The following USH2A variants were observed in gnomAD, a reference collection of about 807,000 sequenced individuals.
USH2A encodes usherin, also known as Usher syndrome 2A (autosomal recessive, mild).
Under a neutral mutation model 538.9 loss-of-function variants are expected in USH2A, and 443 were observed. That is an observed-to-expected ratio of 0.82 (90% CI 0.76 to 0.89). The LOEUF is 0.89. USH2A is among the 40% of genes least tolerant of loss of function. USH2A has a pLI of 0.00. For synonymous variants in USH2A, 2,413 were observed against 2,273.5 expected (o/e 1.06, Z -1.75); for missense variants, 6,633 against 6,324.8 (o/e 1.05, Z -1.65).
intron 16 of USH2A, among the ~76,000 whole-genome samples, chr1:216,206,040 T>C (rs2035104388): frequency 6.6e-6 from 1 of 152,220 alleles, no homozygotes; most frequent in Non-Finnish European, 1.5e-5. Context: ...GTGTTCTATC[T>C]CTGCGGAAAC....
chr1:215,956,388 A>G (rs898137344), intron 37 of USH2A, among the ~76,000 whole-genome samples: 2 of 152,212 alleles, frequency 1.3e-5, no homozygotes, highest in Non-Finnish European at 2.9e-5. Context: ...TAAATGCTTT[A>G]AAAATTTCTC....
chr1:216,058,862 G>C (rs1040637292), intron 30 of USH2A, among the ~76,000 whole-genome samples: 1 of 152,130 alleles, frequency 6.6e-6, no homozygotes, highest in East Asian at 1.9e-4. Context: ...ATTCTTTTAA[G>C]ATAAGTATAT....
rs113224849 is a variant in USH2A at position 216,072,687 on chromosome 1, T to C, written c.5857+202A>G. Reference sequence around the variant, plus strand: ...GGAAAGGATCAAGTCTGAGCAAGTATTTAGTGAATTCTTGGTAAATGAAAA... The same window carrying C: ...GGAAAGGATCAAGTCTGAGCAAGTACTTAGTGAATTCTTGGTAAATGAAAA... On this transcript the variant is annotated intron_variant, in intron 29 of 71. Coordinates refer to ENST00000307340, the MANE Select transcript of USH2A (RefSeq NM_206933.4). 19 of 615,754 alleles carry C rather than the reference T, an allele frequency of 3.1e-5. 1 individual carries two copies. Among genetic ancestry groups the C allele is most frequent in the African/African-American group, 1.5e-4 (8 of 54,540 alleles). 38.1% of individuals were successfully genotyped at this position (615,754 alleles called of 1,614,324 possible).
intron 47 of USH2A, among the ~76,000 whole-genome samples, chr1:215,834,026 T>C (rs1663404721): frequency 6.6e-6 from 1 of 152,074 alleles, no homozygotes. Flanking sequence ...TCTATTAAAA[T>C]GACTATTTAA....
intron 9 of USH2A, 66 bp from the exon 10 acceptor site, chr1:216,292,436 T>C (rs2037020990): frequency 2.6e-6 from 4 of 1,527,370 alleles, no homozygotes; most frequent in Non-Finnish European, 2.7e-6. Flanking sequence ...TTTATTGATA[T>C]GTTAGGCCTT....
At chr1:215,989,642 C>T (rs377616686) in intron 35 of USH2A, among the ~76,000 whole-genome samples, 18 of 151,980 alleles carry the variant, frequency 1.2e-4, no homozygotes, top group African/African-American at 3.6e-4. Context: ...GAAGTGCAGT[C>T]GAGGGGTTGT....
chr1:215,758,754 T>C lies in USH2A; in HGVS notation c.11232-2A>G. The C allele has an allele frequency of 1.9e-6, 3 of 1,613,686 alleles. No homozygotes were observed. Among genetic ancestry groups the C allele is most frequent in the Non-Finnish European group, 1.7e-6 (2 of 1,179,846 alleles). ...TTGACTTCTAACTTGTAAGTGTATC[T>C]ATATTTAAAAAGAAAGAAGAATTGT... On this transcript the variant is annotated splice_acceptor_variant, in intron 57 of 71. Transcript: ENST00000307340. LOFTEE classifies it high-confidence loss of function.
rs370554173 is a variant in USH2A at position 215,655,724 on chromosome 1, T to C, written c.14134-4923A>G. Among the ~76,000 whole-genome samples, 575 of 139,256 alleles carry C rather than the reference T, an allele frequency of 4.1e-3. 2 individuals carry two copies. Among genetic ancestry groups the C allele is most frequent in the African/African-American group, 0.014 (530 of 38,522 alleles). 91.4% of individuals were successfully genotyped at this position (139,256 alleles called of 152,430 possible). ...ATGCTTCTGTTACTGTGCTAGTTAT[T>C]CTTTTTTTTTTTTTTTTTTTTTTTT... On this transcript the variant is annotated intron_variant, in intron 64 of 71. Transcript: ENST00000307340.
chr1:216,250,694 A>G (rs2036140990), intron 12 of USH2A, among the ~76,000 whole-genome samples: 2 of 152,212 alleles, frequency 1.3e-5, no homozygotes, highest in African/African-American at 4.8e-5. Flanking sequence ...AGAAACTTCT[A>G]AAGGGTTGAT....
chr1:216,279,367 G>A (rs1480796425), intron 11 of USH2A, among the ~76,000 whole-genome samples: 2 of 152,106 alleles, frequency 1.3e-5, no homozygotes, highest in Non-Finnish European at 2.9e-5. Context: ...GGGATTCAGA[G>A]GATGGAGCAA....
chr1:215,959,207 C>T (rs565880154), intron 37 of USH2A, among the ~76,000 whole-genome samples: 3 of 151,488 alleles, frequency 2.0e-5, no homozygotes, highest in South Asian at 4.2e-4. Flanking sequence ...GAAGACAAAC[C>T]ATTCATAATA....
At chr1:215,896,153 G>A (rs188668943) in intron 40 of USH2A, among the ~76,000 whole-genome samples, 157 of 152,244 alleles carry the variant, frequency 1.0e-3, no homozygotes, top group Non-Finnish European at 1.7e-3. Flanking sequence ...TAAACTGTTC[G>A]AATTCTACAG....
intron 11 of USH2A, among the ~76,000 whole-genome samples, chr1:216,272,978 G>C (rs1322736068): frequency 1.3e-5 from 2 of 152,098 alleles, no homozygotes; most frequent in African/African-American, 4.8e-5. Context: ...CTAAATCCCA[G>C]GATAAAAGCT....
chr1:215,647,116 T>C (rs1387276023), intron 67 of USH2A, among the ~76,000 whole-genome samples: 1 of 152,228 alleles, frequency 6.6e-6, no homozygotes, highest in Non-Finnish European at 1.5e-5. Flanking sequence ...TTCACTCACT[T>C]GCCCTTTTGC....
chr1:215,953,117 A>C (rs1482897177), intron 37 of USH2A, among the ~76,000 whole-genome samples: 1 of 152,108 alleles, frequency 6.6e-6, no homozygotes, highest in Non-Finnish European at 1.5e-5. Flanking sequence ...AAGAATCAAT[A>C]TTGTGAAAAT....
chr1:215,791,594 C>T (rs1241118375), intron 50 of USH2A, among the ~76,000 whole-genome samples: 2 of 152,184 alleles, frequency 1.3e-5, no homozygotes, highest in African/African-American at 4.8e-5. Flanking sequence ...CTGATTCTAA[C>T]AGAGCTTTGG....
chr1:215,721,850 G>A (rs929637841), intron 61 of USH2A, among the ~76,000 whole-genome samples: 3 of 152,096 alleles, frequency 2.0e-5, no homozygotes, highest in South Asian at 2.1e-4. Flanking sequence ...GATCTCTTGA[G>A]GCCGGGAATT....
intron 13 of USH2A, among the ~76,000 whole-genome samples, chr1:216,239,033 T>C (rs1263021470): frequency 1.3e-5 from 2 of 151,536 alleles, no homozygotes; most frequent in African/African-American, 2.4e-5. Context: ...CATCTGTTTA[T>C]GATAAAGATA....
intron 9 of USH2A, among the ~76,000 whole-genome samples, chr1:216,305,332 C>T (rs2037295406): frequency 6.6e-6 from 1 of 152,088 alleles, no homozygotes; most frequent in Admixed American, 6.5e-5. Context: ...ATAGCTACTG[C>T]TGTTTGCTTT....
Sources: gnomAD v4.1 joint callset for allele counts (sites outside exome capture counted in the v4.1 genomes callset) on GRCh38, gnomAD v4.1.1 for gene constraint, MANE v1.5 for transcripts, NCBI Gene and HGNC (gene_info 2026-07-23, HGNC 2026-07-21) for gene names.